The following CDH13 variants were observed in gnomAD, a reference collection of about 807,000 sequenced individuals.
CDH13 encodes the protein cadherin 13, also known as cadherin-13.
A neutral mutation model predicts 63.8 loss-of-function variants in CDH13; 24 were observed. The observed-to-expected ratio is 0.38, with a 90% CI of 0.27 to 0.53. The LOEUF is 0.53. Among genes scored for constraint, CDH13 ranks in the 20% least tolerant of loss-of-function variants. The pLI is 0.85. For synonymous variants in CDH13, 503 were observed against 355.3 expected (o/e 1.42, Z -4.67); for missense variants, 1,049 against 903.1 (o/e 1.16, Z -2.07).
At chr16:83,043,592 C>T (rs138408518) in intron 3 of CDH13, among the ~76,000 whole-genome samples, 2,044 of 152,054 alleles carry the variant, frequency 0.013, 23 homozygotes, top group Non-Finnish European at 0.019. Flanking sequence ...GGCACAATGG[C>T]TCACACCTGT....
intron 5 of CDH13, among the ~76,000 whole-genome samples, chr16:83,239,961 T>G (rs2151813502): frequency 6.6e-6 from 1 of 152,200 alleles, no homozygotes; most frequent in Non-Finnish European, 1.5e-5. Flanking sequence ...AACAGAGATC[T>G]GATGAAAGAG....
chr16:82,969,667 C>G (rs1205586230), intron 2 of CDH13, among the ~76,000 whole-genome samples: 2 of 152,090 alleles, frequency 1.3e-5, no homozygotes, highest in East Asian at 3.9e-4. Flanking sequence ...ATACCACTAG[C>G]AGCACTGCAG....
intron 2 of CDH13, among the ~76,000 whole-genome samples, chr16:82,916,876 G>A (rs988568777): frequency 6.6e-6 from 1 of 152,102 alleles, no homozygotes; most frequent in East Asian, 1.9e-4. Flanking sequence ...ACACATTTAG[G>A]TGTTCCTTAA....
chr16:83,202,441 G>C (rs1310112106), intron 4 of CDH13, among the ~76,000 whole-genome samples: 3 of 152,078 alleles, frequency 2.0e-5, no homozygotes, highest in Non-Finnish European at 4.4e-5. Flanking sequence ...ATTTTAATCA[G>C]GGCATGATCC....
Position 82,639,442 on chromosome 16 carries a change from C to T in CDH13, c.45+12305C>T, listed in dbSNP as rs4782724. The T allele has an allele frequency of 0.99, 1,519,753 of 1,535,282 alleles. 753,368 individuals carry two copies. Among genetic ancestry groups the T allele is most frequent in the East Asian group, 1 (40,904 of 40,904 alleles). On this transcript the variant is annotated intron_variant, in intron 1 of 13. Coordinates refer to ENST00000567109, the MANE Select transcript of CDH13 (RefSeq NM_001257.5). The stretch of plus-strand genomic sequence containing the variant: ...TGGCCCACAGATGCCTGGGCGTGAC[C>T]CACCTGCAGCTTCAACCATGCAGGT...
chr16:83,266,459 C>T (rs1432569109), intron 5 of CDH13, among the ~76,000 whole-genome samples: 4 of 152,154 alleles, frequency 2.6e-5, no homozygotes, highest in African/African-American at 9.7e-5. Flanking sequence ...ATGGCAGTTA[C>T]TTATTTTAAT....
At chr16:82,943,151 A>G (rs1346008091) in intron 2 of CDH13, among the ~76,000 whole-genome samples, 3 of 152,202 alleles carry the variant, frequency 2.0e-5, no homozygotes, top group Non-Finnish European at 4.4e-5. Context: ...AGCATTTACA[A>G]TTATTGTCAT....
chr16:82,660,179 C>T (rs1911768664), intron 1 of CDH13, among the ~76,000 whole-genome samples: 1 of 152,014 alleles, frequency 6.6e-6, no homozygotes, highest in African/African-American at 2.4e-5. Context: ...GAAAATGTGA[C>T]CCAGAAATCA....
At chr16:83,105,058 G>A (rs946279235) in intron 3 of CDH13, among the ~76,000 whole-genome samples, 1 of 151,988 alleles carries the variant, frequency 6.6e-6, no homozygotes, top group African/African-American at 2.4e-5. Flanking sequence ...GTGCAGGTTT[G>A]TTACATAGGT....
Position 82,971,832 on chromosome 16 carries a change from AG to A in CDH13, c.158-60172del, listed in dbSNP as rs1208016067. On this transcript the variant is annotated intron_variant, in intron 2 of 13. Coordinates refer to ENST00000567109, the MANE Select transcript of CDH13 (RefSeq NM_001257.5). ...TGCTACCTTTTCCTGATCCTATTTG[AG>A]GGGGGAAGTATCTTTTGAATCCCAG... Among the ~76,000 whole-genome samples, 5 of 152,190 alleles carry A rather than the reference AG, an allele frequency of 3.3e-5. No individual in the cohort carries two copies. The East Asian group carries it at 7.7e-4, about 24-fold the overall frequency.
intron 5 of CDH13, among the ~76,000 whole-genome samples, chr16:83,246,048 T>C (rs1904960841): frequency 6.6e-6 from 1 of 152,206 alleles, no homozygotes; most frequent in Admixed American, 6.5e-5. Flanking sequence ...AAATTCCTAT[T>C]TCTTGTTTGA....
intron 7 of CDH13, among the ~76,000 whole-genome samples, chr16:83,579,709 G>C (rs12931303): frequency 0.15 from 22,845 of 151,956 alleles, 2,066 homozygotes; most frequent in Middle Eastern, 0.24. Flanking sequence ...GTCATCCCTG[G>C]AGCTGTACTG....
chr16:82,986,345 G>A (rs1311340235), intron 2 of CDH13, among the ~76,000 whole-genome samples: 2 of 152,140 alleles, frequency 1.3e-5, no homozygotes, highest in South Asian at 2.1e-4. Flanking sequence ...AAACCAAGCC[G>A]CTTTGTTTAA....
intron 6 of CDH13, among the ~76,000 whole-genome samples, chr16:83,376,713 G>A (rs1383165227): frequency 1.3e-5 from 2 of 152,020 alleles, no homozygotes; most frequent in South Asian, 2.1e-4. Context: ...GATGGACTTG[G>A]GGGTTTCTGA....
chr16:83,133,018 A>G (rs2036127334), intron 4 of CDH13, among the ~76,000 whole-genome samples: 1 of 152,176 alleles, frequency 6.6e-6, no homozygotes. Context: ...GCACTGTCCC[A>G]TGGAACATTG....
chr16:83,266,988 G>A (rs921350760), intron 5 of CDH13, among the ~76,000 whole-genome samples: 9 of 152,150 alleles, frequency 5.9e-5, no homozygotes, highest in African/African-American at 2.2e-4. Context: ...AGTTATGACT[G>A]TTGTTGCCCC....
chr16:82,700,518 TAAG>T (rs941115896), intron 1 of CDH13, among the ~76,000 whole-genome samples: 1 of 30,664 alleles, frequency 3.3e-5, no homozygotes, highest in African/African-American at 1.1e-4. Context: ...TTAGGGCTAG[TAAG>T]TGTGTGTGTG....
At chr16:83,732,400 C>G (rs6563973) in intron 10 of CDH13, among the ~76,000 whole-genome samples, 26,022 of 152,056 alleles carry the variant, frequency 0.17, 2,332 homozygotes, top group Middle Eastern at 0.22. Context: ...TAGCTTTGGA[C>G]TGGGGAACAG....
chr16:83,488,358 A>G (rs2073940149), intron 7 of CDH13, among the ~76,000 whole-genome samples: 1 of 152,156 alleles, frequency 6.6e-6, no homozygotes, highest in Non-Finnish European at 1.5e-5. Flanking sequence ...AATCCTAATT[A>G]TATGTTTGTT....
Sources: gnomAD v4.1 joint callset for allele counts (sites outside exome capture counted in the v4.1 genomes callset) on GRCh38, gnomAD v4.1.1 for gene constraint, MANE v1.5 for transcripts, NCBI Gene and HGNC (gene_info 2026-07-23, HGNC 2026-07-21) for gene names.